The following CMIP variants were observed in gnomAD, a reference collection of about 807,000 sequenced individuals.
CMIP encodes C-Maf-inducing protein.
Under a neutral mutation model 97.3 loss-of-function variants are expected in CMIP, and 13 were observed. The observed-to-expected ratio is 0.13, with a 90% CI of 0.09 to 0.21. The LOEUF (loss-of-function observed/expected upper bound fraction) is 0.21, where lower values mean the gene tolerates loss of function less well. Ranked by LOEUF, CMIP falls within the 10% of genes least tolerant of loss-of-function variation. CMIP has a pLI of 1.00. For synonymous variants in CMIP, 538 were observed against 436.3 expected, an observed-to-expected ratio of 1.23 and a Z score of -2.91; for missense variants, 847 against 1,024.9, an observed-to-expected ratio of 0.83 and a Z score of 2.37.
In CMIP at chr16:81,670,130, C is replaced by G; in HGVS notation, c.826-12C>G. 6.2e-7 allele frequency: 1 copy of G among 1,601,544 alleles called. No homozygotes were observed. The highest frequency in any genetic ancestry group is 8.5e-7 in the Non-Finnish European group (1 of 1,174,234). ...GCACCGTCCCGACTCCTGTCCTCTG[C>G]TGTCTCCACAGGACTTTGGGAAGTG... On this transcript the variant is annotated splice_polypyrimidine_tract_variant and intron_variant, in intron 7 of 20. Coordinates refer to ENST00000537098, the MANE Select transcript of CMIP (RefSeq NM_198390.3).
intron 10 of CMIP, among the ~76,000 whole-genome samples, chr16:81,685,659 C>T (rs1007074975): frequency 1.3e-5 from 2 of 151,912 alleles, no homozygotes; most frequent in Non-Finnish European, 2.9e-5. Context: ...ATCCTCCCAC[C>T]TCAGACTCCC....
At chr16:81,456,956 C>T (rs1419886614) in intron 1 of CMIP, among the ~76,000 whole-genome samples, 7 of 152,144 alleles carry the variant, frequency 4.6e-5, no homozygotes, top group African/African-American at 2.4e-5. Flanking sequence ...CACCTGCCCT[C>T]GTTGAACCTG....
rs533283035 is a variant in CMIP at position 81,515,122 on chromosome 16, C to A, written c.300+69581C>A. Among the ~76,000 whole-genome samples, 3 of 152,342 alleles carry A rather than the reference C, an allele frequency of 2.0e-5. No individual in the cohort carries two copies. The East Asian group carries it at 5.8e-4, about 29-fold the overall frequency. On this transcript the variant is annotated intron_variant, in intron 1 of 20. Transcript: ENST00000537098. The stretch of plus-strand genomic sequence containing the variant: ...GAGTGCCCTGTCCCAAAGCTCTCAG[C>A]CTTTTCCCTGTGCCAGACCGTCTTC...
intron 17 of CMIP, among the ~76,000 whole-genome samples, chr16:81,703,514 TAC>T (rs1393550265): frequency 6.6e-6 from 1 of 150,968 alleles, no homozygotes; most frequent in South Asian, 2.1e-4. Flanking sequence ...CACACAAATA[TAC>T]ACAGACGTGC....
chr16:81,551,984 G>T (rs1327550545), intron 1 of CMIP, among the ~76,000 whole-genome samples: 1 of 152,274 alleles, frequency 6.6e-6, no homozygotes, highest in Non-Finnish European at 1.5e-5. Context: ...GGGGGCCCTG[G>T]CTGGTGGGGT....
chr16:81,703,498 C>G (rs1907650897), intron 17 of CMIP, among the ~76,000 whole-genome samples: 1 of 151,988 alleles, frequency 6.6e-6, no homozygotes, highest in African/African-American at 2.4e-5. Flanking sequence ...CACACCAACA[C>G]ACACACACAC....
intron 1 of CMIP, among the ~76,000 whole-genome samples, chr16:81,566,278 T>C (rs1479056047): frequency 2.0e-5 from 3 of 152,234 alleles, no homozygotes; most frequent in Non-Finnish European, 4.4e-5. Flanking sequence ...CTGTGTTTGC[T>C]CAGCCTACCA....
chr16:81,527,864 T>G (rs2090162261), intron 1 of CMIP, among the ~76,000 whole-genome samples: 1 of 152,246 alleles, frequency 6.6e-6, no homozygotes, highest in Non-Finnish European at 1.5e-5. Flanking sequence ...TTCTTAGGCT[T>G]TTATGAATAA....
At chr16:81,476,240 C>T (rs117369538) in intron 1 of CMIP, 47,251 of 1,476,574 alleles carry the variant, frequency 0.032, 893 homozygotes, top group Non-Finnish European at 0.037. Flanking sequence ...ATGCCGGGAC[C>T]TGTATGCTTT....
intron 1 of CMIP, among the ~76,000 whole-genome samples, chr16:81,456,831 G>A (rs748201728): frequency 6.6e-5 from 10 of 152,338 alleles, no homozygotes; most frequent in East Asian, 1.9e-4. Context: ...AAGGGAGAGC[G>A]TGTGGACAGA....
chr16:81,627,916 A>G lies in CMIP; in HGVS notation c.477+6990A>G, dbSNP rs912934772. On this transcript the variant is annotated intron_variant, in intron 3 of 20. Coordinates refer to ENST00000537098, the MANE Select transcript of CMIP (RefSeq NM_198390.3). The surrounding 1 kb of genome is among the most constrained non-coding windows in gnomAD (Gnocchi z 4.6). Reference sequence around the variant, plus strand: ...AAGGCAAAGTGCCTGGGGCTCAGAGAGGGGAAGCCCACCTGACGGGAAGCT... The same window carrying G: ...AAGGCAAAGTGCCTGGGGCTCAGAGGGGGGAAGCCCACCTGACGGGAAGCT... 6.6e-6 allele frequency among the ~76,000 whole-genome samples: 1 copy of G among 152,094 alleles called. No homozygotes were observed. Among genetic ancestry groups the G allele is most frequent in the African/African-American group, 2.4e-5 (1 of 41,390 alleles).
intron 3 of CMIP, among the ~76,000 whole-genome samples, chr16:81,636,522 A>G (rs1251778467): frequency 6.6e-6 from 1 of 150,746 alleles, no homozygotes; most frequent in African/African-American, 2.4e-5. Context: ...CAGAGGTTGC[A>G]GTGAGCCAAG....
chr16:81,564,305 C>G (rs1232360764), intron 1 of CMIP, among the ~76,000 whole-genome samples: 1 of 152,204 alleles, frequency 6.6e-6, no homozygotes, highest in Non-Finnish European at 1.5e-5. Context: ...AGGTGCCTTT[C>G]TTGGAGGAGT....
intron 1 of CMIP, among the ~76,000 whole-genome samples, chr16:81,600,427 T>C (rs992675521): frequency 3.3e-5 from 5 of 152,166 alleles, no homozygotes; most frequent in African/African-American, 1.2e-4. Flanking sequence ...GGAATGCGGT[T>C]CCGACTCATG....
At position 81,667,799 on chromosome 16, in the gene CMIP, A is replaced by AGAGAGAGAGAGAGAGTGTGT; in HGVS notation, c.826-2342_826-2341insAGAGAGAGAGAGAGTGTGTG. ...GAGAGAGAGAGAGAGAGAGAGAGAG[A>AGAGAGAGAGAGAGAGTGTGT]GTGTGTGTGTGTGTGTGTGTGTGTG... On this transcript the variant is annotated intron_variant, in intron 7 of 20. Coordinates refer to ENST00000537098, the MANE Select transcript of CMIP (RefSeq NM_198390.3). Among the ~76,000 whole-genome samples the AGAGAGAGAGAGAGAGTGTGT allele has an allele frequency of 4.0e-3, 234 of 58,114 alleles. 3 individuals are homozygous for AGAGAGAGAGAGAGAGTGTGT. The highest frequency in any genetic ancestry group is 5.6e-3 in the Non-Finnish European group (174 of 31,272). The allele number at this position is 58,114 out of a possible 152,430, so 38.1% of individuals were successfully genotyped here.
intron 1 of CMIP, among the ~76,000 whole-genome samples, chr16:81,593,963 C>A (rs748289811): frequency 6.8e-6 from 1 of 147,330 alleles, no homozygotes; most frequent in Non-Finnish European, 1.5e-5. Flanking sequence ...CCCTACCATA[C>A]CTTTCCTCCT....
At chr16:81,534,248 A>G (rs1426935943) in intron 1 of CMIP, among the ~76,000 whole-genome samples, 1 of 152,244 alleles carries the variant, frequency 6.6e-6, no homozygotes. Flanking sequence ...AATGTTGCCC[A>G]GTGGCCCTCA....
At position 81,710,740 on chromosome 16, in the gene CMIP, A is replaced by G. The variant is rs561235672; in HGVS notation, c.*941A>G. 6.6e-6 allele frequency: 1 copy of G among 152,084 alleles called. No homozygotes were observed. Among genetic ancestry groups the G allele is most frequent in the African/African-American group, 2.4e-5 (1 of 41,462 alleles). 9.4% of individuals were successfully genotyped at this position (152,084 alleles called of 1,614,324 possible). On this transcript the variant is annotated 3_prime_UTR_variant, in exon 21 of 21. Coordinates refer to ENST00000537098, the MANE Select transcript of CMIP (RefSeq NM_198390.3). The stretch of plus-strand genomic sequence containing the variant: ...GGATTAAGATCCCCTTGCTCCACTA[A>G]GGCCCAAGCTCTTTCTCTCGGCACC...
intron 20 of CMIP, 150 bp from the exon 21 acceptor site, chr16:81,709,596 C>A: frequency 1.3e-6 from 1 of 790,550 alleles, no homozygotes; most frequent in Non-Finnish European, 2.1e-6. Context: ...TAAGGCCACC[C>A]ACCCCTCCAA....
Sources: gnomAD v4.1 joint callset for allele counts (sites outside exome capture counted in the v4.1 genomes callset) on GRCh38, gnomAD v4.1.1 for gene constraint, Gnocchi (gnomAD v3.1) non-coding constraint, MANE v1.5 for transcripts, NCBI Gene and HGNC (gene_info 2026-07-23, HGNC 2026-07-21) for gene names.